The following KIF6 variants were observed in gnomAD, a reference collection of about 807,000 sequenced individuals.
KIF6 encodes kinesin-like protein KIF6.
A neutral mutation model predicts 112.7 loss-of-function variants in KIF6; 106 were observed. The ratio of observed to expected loss-of-function variants is 0.94; its 90% CI spans 0.80 to 1.11. The LOEUF is 1.11. KIF6 is among the 50% of genes least tolerant of loss of function. KIF6 has a pLI of 0.00. For missense variants in KIF6, 929 were observed against 964.0 expected (o/e 0.96, Z 0.48); for synonymous variants, 339 against 339.9 (o/e 1.00, Z 0.03).
At chr6:39,682,881 T>A (rs1787619829) in intron 3 of KIF6, among the ~76,000 whole-genome samples, 1 of 152,066 alleles carries the variant, frequency 6.6e-6, no homozygotes, top group African/African-American at 2.4e-5. Flanking sequence ...CCAGCGTGAC[T>A]AGATATTTCT....
At chr6:39,597,590 G>C (rs1782342413) in intron 6 of KIF6, among the ~76,000 whole-genome samples, 1 of 152,114 alleles carries the variant, frequency 6.6e-6, no homozygotes, top group Non-Finnish European at 1.5e-5. Flanking sequence ...AACTTAGATT[G>C]CTTCCTTACA....
At chr6:39,405,581 G>A (rs1281442147) in intron 15 of KIF6, among the ~76,000 whole-genome samples, 1 of 152,096 alleles carries the variant, frequency 6.6e-6, no homozygotes, top group Admixed American at 6.6e-5. Flanking sequence ...TGGTATATTA[G>A]TCTTTTTATA....
intron 3 of KIF6, among the ~76,000 whole-genome samples, chr6:39,708,714 A>C (rs989373981): frequency 6.6e-6 from 1 of 152,236 alleles, no homozygotes; most frequent in Admixed American, 6.5e-5. Flanking sequence ...GCAAACTTGC[A>C]GATGTGTGCT....
intron 3 of KIF6, among the ~76,000 whole-genome samples, chr6:39,647,594 C>A (rs1288372888): frequency 6.6e-6 from 1 of 152,116 alleles, no homozygotes; most frequent in African/African-American, 2.4e-5. Context: ...GGGGTCCCTA[C>A]TAGAGGCCGT....
chr6:39,708,812 T>A (rs1470482532), intron 3 of KIF6, among the ~76,000 whole-genome samples: 1 of 152,032 alleles, frequency 6.6e-6, no homozygotes, highest in Admixed American at 6.6e-5. Flanking sequence ...CTATTTTTGC[T>A]TGAAGCTTCA....
chr6:39,349,631 C>CTTTTTTTTTTTTTTTTTT lies in KIF6; in HGVS notation c.2181-3123_2181-3106dup, dbSNP rs58810898. Among the ~76,000 whole-genome samples the CTTTTTTTTTTTTTTTTTT allele has an allele frequency of 3.9e-4, 25 of 64,560 alleles. 3 individuals carry two copies. Among genetic ancestry groups the CTTTTTTTTTTTTTTTTTT allele is most frequent in the Middle Eastern group, 0.029 (2 of 68 alleles). The allele number at this position is 64,560 out of a possible 152,430, so 42.4% of individuals were successfully genotyped here. On this transcript the variant is annotated intron_variant, in intron 19 of 22. Transcript: ENST00000287152. Reference sequence around the variant, plus strand: ...GAAGGTCTAGGTTTAATTTGTGGCTCTTTTTTTTTTTTTTTTTTTTTTTTT... The same window carrying CTTTTTTTTTTTTTTTTTT: ...GAAGGTCTAGGTTTAATTTGTGGCTCTTTTTTTTTTTTTTTTTTTTTTTTTTTTTTTTTTTTTTTTTTT...
At chr6:39,481,701 T>C (rs926544408) in intron 13 of KIF6, among the ~76,000 whole-genome samples, 6 of 152,126 alleles carry the variant, frequency 3.9e-5, no homozygotes, top group African/African-American at 7.2e-5. Flanking sequence ...ATGTCCACAA[T>C]TGAGATCTCC....
chr6:39,581,317 G>A lies in KIF6; in HGVS notation c.1078-3158C>T, dbSNP rs552399357. ...TGAGTAGCTGGAATTACTAGTGCCT[G>A]CCACCATGCTCGGCTAATTTCTGTA... On this transcript the variant is annotated intron_variant, in intron 9 of 22. Coordinates refer to ENST00000287152, the MANE Select transcript of KIF6 (RefSeq NM_145027.6). Among the ~76,000 whole-genome samples the A allele has an allele frequency of 4.6e-5, 7 of 151,866 alleles. No homozygotes were observed. In the South Asian group the frequency reaches 1.5e-3, roughly 32 times the overall value.
rs79513769 is a variant in KIF6, at chr6:39,592,136, A to C, written c.846+3918T>G. ...CAAAAAAACAAACAAACAAACAAAC[A>C]AACCTGACTTTTTTTATTGTTTCCT... is the stretch of plus-strand genomic sequence containing the variant. On this transcript the variant is annotated intron_variant, in intron 7 of 22. Coordinates refer to ENST00000287152, the MANE Select transcript of KIF6 (RefSeq NM_145027.6). 7.7e-3 allele frequency among the ~76,000 whole-genome samples: 1,179 copies of C among 152,252 alleles called. 19 individuals carry two copies. The highest frequency in any genetic ancestry group is 0.027 in the African/African-American group (1,120 of 41,544).
chr6:39,552,820 G>A (rs543590417), intron 10 of KIF6, among the ~76,000 whole-genome samples: 18 of 152,184 alleles, frequency 1.2e-4, no homozygotes, highest in Admixed American at 1.1e-3. Context: ...TTTGGGATGT[G>A]GCCCTTTAAA....
chr6:39,513,489 T>C (rs1410975260), intron 13 of KIF6, among the ~76,000 whole-genome samples: 1 of 152,212 alleles, frequency 6.6e-6, no homozygotes, highest in African/African-American at 2.4e-5. Context: ...TATGGGCACA[T>C]GGTAAATTAG....
Position 39,708,083 on chromosome 6 carries a change from G to A in KIF6, c.251+6609C>T, listed in dbSNP as rs549204723. On this transcript the variant is annotated intron_variant, in intron 3 of 22. Transcript: ENST00000287152. Reference sequence around the variant, plus strand: ...AAGAGCAGGATCTCTTCTCTGGTTGGATTAGCAGAACTGGGTGTGCTAGGC... The same window carrying A: ...AAGAGCAGGATCTCTTCTCTGGTTGAATTAGCAGAACTGGGTGTGCTAGGC... Among the ~76,000 whole-genome samples the A allele has an allele frequency of 3.3e-5, 5 of 152,218 alleles. No homozygotes were observed. In the East Asian group the frequency reaches 7.7e-4, roughly 23 times the overall value.
chr6:39,585,401 T>A (rs1219017099), intron 8 of KIF6, among the ~76,000 whole-genome samples: 2 of 152,140 alleles, frequency 1.3e-5, no homozygotes, highest in Non-Finnish European at 2.9e-5. Flanking sequence ...CCACCACCAC[T>A]CACCTCCTGC....
chr6:39,377,534 C>T (rs1043583997), intron 16 of KIF6, among the ~76,000 whole-genome samples: 1 of 152,290 alleles, frequency 6.6e-6, no homozygotes, highest in East Asian at 1.9e-4. Context: ...AGGTGCAGAA[C>T]TGCAAAAAGC....
At chr6:39,628,498 T>C (rs144598796) in intron 5 of KIF6, among the ~76,000 whole-genome samples, 1 of 152,118 alleles carries the variant, frequency 6.6e-6, no homozygotes, top group African/African-American at 2.4e-5. Flanking sequence ...ATCCTTTGTG[T>C]TGACCTTGTC....
intron 6 of KIF6, among the ~76,000 whole-genome samples, chr6:39,603,246 T>C (rs957541845): frequency 1.3e-5 from 2 of 152,114 alleles, no homozygotes; most frequent in African/African-American, 4.8e-5. Context: ...AATGTTCATA[T>C]AGAAGGGGCT....
chr6:39,420,494 T>G (rs1770273171), intron 14 of KIF6, among the ~76,000 whole-genome samples: 1 of 152,236 alleles, frequency 6.6e-6, no homozygotes, highest in African/African-American at 2.4e-5. Flanking sequence ...CCACTCCTAT[T>G]CACTGACGCA....
intron 13 of KIF6, among the ~76,000 whole-genome samples, chr6:39,513,264 C>G (rs1338097231): frequency 6.6e-6 from 1 of 152,206 alleles, no homozygotes; most frequent in Non-Finnish European, 1.5e-5. Flanking sequence ...GCATCTGCAT[C>G]AGCTTCCTCC....
chr6:39,421,247 C>G (rs773843516), intron 14 of KIF6, among the ~76,000 whole-genome samples: 1 of 152,174 alleles, frequency 6.6e-6, no homozygotes, highest in Non-Finnish European at 1.5e-5. Context: ...TGGGAGTGAC[C>G]TGGGTTTTGT....
Sources: allele counts gnomAD v4.1 joint callset (sites outside exome capture counted in the v4.1 genomes callset), GRCh38; gene constraint gnomAD v4.1.1; transcripts MANE v1.5; gene names NCBI Gene and HGNC (gene_info 2026-07-23, HGNC 2026-07-21).